GALK2: variants seen among roughly 807,000 people sequenced by gnomAD.
The protein encoded by GALK2 is N-acetylgalactosamine kinase.
GALK2 carries 36 observed loss-of-function variants against 52.4 expected under a neutral mutation model. The ratio of observed to expected loss-of-function variants is 0.69; its 90% CI spans 0.53 to 0.91. GALK2 has a LOEUF of 0.91. Among genes scored for constraint, GALK2 ranks in the 40% least tolerant of loss-of-function variants. GALK2 has a pLI of 0.00. For missense variants in GALK2, 579 were observed against 559.1 expected, an observed-to-expected ratio of 1.04 and a Z score of -0.36; for synonymous variants, 176 against 199.1, an observed-to-expected ratio of 0.88 and a Z score of 0.98.
At chr15:49,175,987 G>A (rs921419467) in intron 1 of GALK2, among the ~76,000 whole-genome samples, 10 of 152,306 alleles carry the variant, frequency 6.6e-5, no homozygotes, top group African/African-American at 2.2e-4. Flanking sequence ...CGGGGAGCTC[G>A]GCTCTTGAGA....
upstream of GALK2, among the ~76,000 whole-genome samples, chr15:49,165,928 G>A (rs1043188773): frequency 7.3e-5 from 11 of 151,252 alleles, no homozygotes; most frequent in African/African-American, 1.9e-4. Flanking sequence ...TTAGCCTCCC[G>A]AGTAGCTGGG....
chr15:49,335,479 T>A (rs1264196330), downstream of GALK2: 2 of 1,613,280 alleles, frequency 1.2e-6, no homozygotes, highest in African/African-American at 2.7e-5. Flanking sequence ...AACATCACGG[T>A]ATGTTGGAGC....
chr15:49,330,340 A>G lies in GALK2; in HGVS notation c.*2181A>G, dbSNP rs1322768706. ...ATCAGGGGTTATAGCCCAGCAGCCC[A>G]TGGGCCACATCTGGTCTGCAGATGT... On this transcript the variant is annotated 3_prime_UTR_variant, in exon 10 of 10. Transcript: ENST00000560031. 1 of 152,220 alleles carries G rather than the reference A, an allele frequency of 6.6e-6. No individual in the cohort carries two copies. Among genetic ancestry groups the G allele is most frequent in the African/African-American group, 2.4e-5 (1 of 41,450 alleles). 9.4% of individuals were successfully genotyped at this position (152,220 alleles called of 1,614,324 possible).
At chr15:49,237,717 C>T (rs1019669921) in intron 4 of GALK2, among the ~76,000 whole-genome samples, 6 of 152,092 alleles carry the variant, frequency 3.9e-5, no homozygotes, top group Admixed American at 1.3e-4. Flanking sequence ...CTTCGTGACC[C>T]ACCCGCCTCG....
Position 49,228,687 on chromosome 15 carries a change from A to ATATATACATATAT in GALK2, c.267-7163_267-7162insATATACATATATT, listed in dbSNP as rs1555409061. Among the ~76,000 whole-genome samples the ATATATACATATAT allele has an allele frequency of 9.1e-4, 13 of 14,276 alleles. 1 individual carries two copies. Among genetic ancestry groups the ATATATACATATAT allele is most frequent in the African/African-American group, 2.7e-3 (8 of 2,924 alleles). 9.4% of individuals were successfully genotyped at this position (14,276 alleles called of 152,430 possible). On this transcript the variant is annotated intron_variant, in intron 3 of 9. Coordinates refer to ENST00000560031, the MANE Select transcript of GALK2 (RefSeq NM_002044.4). ...TATATATATATATATATATATATATATTTTTTTTTTTTTTTTTTTTTTTTG... is the reference window on the plus strand; with the variant it reads ...TATATATATATATATATATATATATATATATACATATATTTTTTTTTTTTTTTTTTTTTTTTTG...
chr15:49,242,053 T>C (rs1368698770), intron 5 of GALK2, among the ~76,000 whole-genome samples: 2 of 152,158 alleles, frequency 1.3e-5, no homozygotes, highest in African/African-American at 4.8e-5. Context: ...GACAGAATCT[T>C]GAATGAAAGG....
chr15:49,304,289 G>A (rs2035362814), intron 8 of GALK2, among the ~76,000 whole-genome samples: 1 of 152,140 alleles, frequency 6.6e-6, no homozygotes, highest in African/African-American at 2.4e-5. Context: ...TGATTGTCCT[G>A]TACTGGTAAG....
At chr15:49,159,844 T>TCAATACAGC (rs1378355548) in intron 1 of GALK2, among the ~76,000 whole-genome samples, 1 of 152,188 alleles carries the variant, frequency 6.6e-6, no homozygotes, top group African/African-American at 2.4e-5. Context: ...TCAGCTTTGA[T>TCAATACAGC]TGTATGTATG....
At chr15:49,312,638 A>T (rs974245813) in intron 8 of GALK2, among the ~76,000 whole-genome samples, 1 of 152,152 alleles carries the variant, frequency 6.6e-6, no homozygotes, top group African/African-American at 2.4e-5. Flanking sequence ...GTATACCTAT[A>T]TATCCTGTTG....
intron 1 of GALK2, chr15:49,177,840 T>G (rs2085585114): frequency 3.8e-6 from 1 of 262,450 alleles, no homozygotes; most frequent in African/African-American, 2.3e-5. Flanking sequence ...TTTTGTATGT[T>G]GAATCTTCAC....
At chr15:49,322,296 A>G (rs1383114270) in intron 9 of GALK2, among the ~76,000 whole-genome samples, 1 of 152,234 alleles carries the variant, frequency 6.6e-6, no homozygotes, top group South Asian at 2.1e-4. Flanking sequence ...TTTGTTTGGA[A>G]AGCCAATTGC....
chr15:49,166,797 A>G (rs773765834), upstream of GALK2, among the ~76,000 whole-genome samples: 3 of 152,234 alleles, frequency 2.0e-5, no homozygotes, highest in Non-Finnish European at 2.9e-5. Context: ...TAATGAGAAA[A>G]TATCCAAAAT....
At chr15:49,245,194 T>C (rs1158287107) in intron 5 of GALK2, among the ~76,000 whole-genome samples, 3 of 152,026 alleles carry the variant, frequency 2.0e-5, no homozygotes, top group Non-Finnish European at 2.9e-5. Context: ...CTTATCATAA[T>C]AGGAAAGCAA....
At chr15:49,311,734 G>C (rs1161866357) in intron 8 of GALK2, among the ~76,000 whole-genome samples, 1 of 152,226 alleles carries the variant, frequency 6.6e-6, no homozygotes, top group African/African-American at 2.4e-5. Flanking sequence ...TGTTAAGCTA[G>C]CAGCTTGTAT....
At chr15:49,323,013 A>G (rs936317942) in intron 9 of GALK2, among the ~76,000 whole-genome samples, 8 of 151,930 alleles carry the variant, frequency 5.3e-5, no homozygotes, top group African/African-American at 1.9e-4. Context: ...GTAATGAGGC[A>G]AGAAGGAGGG....
intron 3 of GALK2, chr15:49,366,273 C>A: frequency 1.3e-6 from 1 of 786,658 alleles, no homozygotes. Flanking sequence ...CTTATAAATG[C>A]AATCAGTATT....
At chr15:49,283,112 C>T (rs2032927068) in intron 6 of GALK2, among the ~76,000 whole-genome samples, 1 of 152,100 alleles carries the variant, frequency 6.6e-6, no homozygotes. Flanking sequence ...GTTTTTTGCC[C>T]CTGGACTTGC....
intron 3 of GALK2, chr15:49,225,390 G>A (rs1030702686): frequency 1.9e-5 from 7 of 373,158 alleles, no homozygotes; most frequent in Non-Finnish European, 2.7e-5. Flanking sequence ...ACCTGAGCTC[G>A]GTCTCCCGTC....
At chr15:49,233,776 C>T (rs1458705615) in intron 3 of GALK2, among the ~76,000 whole-genome samples, 1 of 152,170 alleles carries the variant, frequency 6.6e-6, no homozygotes, top group East Asian at 1.9e-4. Flanking sequence ...CTCTTTGAGC[C>T]TCCAGGAAGA....
Sources: allele counts gnomAD v4.1 joint callset (sites outside exome capture counted in the v4.1 genomes callset), GRCh38; gene constraint gnomAD v4.1.1; transcripts MANE v1.5; gene names NCBI Gene and HGNC (gene_info 2026-07-23, HGNC 2026-07-21).